Variants in ANO5 observed in about 807,000 individuals in gnomAD.
The protein encoded by ANO5 is anoctamin-5.
A neutral mutation model predicts 121.0 loss-of-function variants in ANO5; 109 were observed. That is an observed-to-expected ratio of 0.90 (90% CI 0.77 to 1.06). ANO5 has a LOEUF of 1.06. Ranked by LOEUF, ANO5 falls within the 50% of genes least tolerant of loss-of-function variation. The pLI is 0.00. For missense variants in ANO5, 1,064 were observed against 1,078.5 expected, an observed-to-expected ratio of 0.99 and a Z score of 0.19; for synonymous variants, 406 against 359.9, an observed-to-expected ratio of 1.13 and a Z score of -1.45.
chr11:22,253,979 T>A (rs571151884), intron 12 of ANO5, among the ~76,000 whole-genome samples: 1 of 152,278 alleles, frequency 6.6e-6, no homozygotes, highest in East Asian at 1.9e-4. Flanking sequence ...CTGTACAACA[T>A]TGTACTAATG....
chr11:22,246,469 T>C (rs1222485421), intron 9 of ANO5, among the ~76,000 whole-genome samples: 1 of 152,102 alleles, frequency 6.6e-6, no homozygotes, highest in Non-Finnish European at 1.5e-5. Flanking sequence ...AAGGCCTGTA[T>C]TGGGTTTGGG....
rs190937193 is a variant in ANO5 at position 22,259,674 on chromosome 11, G to T, written c.1563G>T (p.Leu521Phe). Residue 521 changes from leucine (L) to phenylalanine (F), a missense_variant, in exon 15 of 22, where the codon TTG (leucine) becomes TTT (phenylalanine). Coordinates refer to ENST00000324559, the MANE Select transcript of ANO5 (RefSeq NM_213599.3). ...CCACATCACTCACAGGATCATGCTT[G>T]AACTTTATTGTCATCTTGATCTTGA... ...QITTSLTGSC[L>F]NFIVILILNF... 6.2e-5 allele frequency: 100 copies of T among 1,614,042 alleles called. 1 individual carries two copies. The Admixed American group carries it at 1.4e-3, about 22-fold the overall frequency.
chr11:22,238,684 C>A (rs1853319658), intron 8 of ANO5, among the ~76,000 whole-genome samples: 1 of 151,738 alleles, frequency 6.6e-6, no homozygotes, highest in Admixed American at 6.6e-5. Context: ...AAATTTAACA[C>A]CTTATCATAT....
Position 22,274,608 on chromosome 11 carries a change from C to T in ANO5, c.2275C>T (p.Leu759=), listed in dbSNP as rs142231956. The part of the protein sequence containing the change: ...VAFTSDIIPR[L]VYYYAYSTNA... ...ATTTACGTCAGACATCATTCCCCGT[C>T]TAGTTTACTACTATGCTTACTCAAC... Residue 759 remains leucine (L), a synonymous_variant, in exon 20 of 22, where the codon CTA becomes TTA. Transcript: ENST00000324559. The T allele has an allele frequency of 1.5e-5, 24 of 1,608,574 alleles. No homozygotes were observed. The African/African-American group carries it at 2.9e-4, about 20-fold the overall frequency.
At chr11:22,262,062 C>G in intron 15 of ANO5, 67 bp from the exon 16 acceptor site, 1 of 1,490,786 alleles carries the variant, frequency 6.7e-7, no homozygotes, top group South Asian at 1.1e-5. Flanking sequence ...TTCACTTGTC[C>G]TAGGGAGTAC....
intron 12 of ANO5, among the ~76,000 whole-genome samples, chr11:22,254,596 A>G (rs1023837046): frequency 6.6e-5 from 10 of 152,180 alleles, no homozygotes; most frequent in African/African-American, 2.4e-4. Flanking sequence ...GAACCAAAAA[A>G]AAAAAAGCTT....
chr11:22,259,661 C>T lies in ANO5; in HGVS notation c.1550C>T (p.Thr517Ile), dbSNP rs766613400. The change falls in exon 15 of 22, where the codon ACA becomes ATA. Residue 517 changes from threonine (T) to isoleucine (I), a missense_variant. Physicochemically the swap from Thr to Ile is moderately conservative, Grantham distance 89. Transcript: ENST00000324559. ...ACTCCTCAGATAACCACATCACTCACAGGATCATGCTTGAACTTTATTGTC... is the reference window on the plus strand; with the variant it reads ...ACTCCTCAGATAACCACATCACTCATAGGATCATGCTTGAACTTTATTGTC... Reference protein sequence around the residue: ...FLTPQITTSLTGSCLNFIVIL... With the variant: ...FLTPQITTSLIGSCLNFIVIL... 1.2e-6 allele frequency: 2 copies of T among 1,614,066 alleles called. No homozygotes were observed. The highest frequency in any genetic ancestry group is 2.2e-5 in the South Asian group (2 of 91,080).
At chr11:22,206,913 C>CA (rs1034575260) in intron 2 of ANO5, among the ~76,000 whole-genome samples, 4 of 151,408 alleles carry the variant, frequency 2.6e-5, no homozygotes, top group African/African-American at 7.3e-5. Context: ...TGCAATAAGA[C>CA]AAAAAAATAA....
At chr11:22,265,014 T>G (rs759318917) in intron 17 of ANO5, among the ~76,000 whole-genome samples, 25 of 152,126 alleles carry the variant, frequency 1.6e-4, no homozygotes, top group Non-Finnish European at 3.4e-4. Flanking sequence ...CAGAAAAAGT[T>G]AATTGAGTCA....
At chr11:22,215,224 A>C (rs375024791) in intron 3 of ANO5, among the ~76,000 whole-genome samples, 33 of 152,120 alleles carry the variant, frequency 2.2e-4, no homozygotes, top group African/African-American at 7.2e-4. Flanking sequence ...GATCACCTCA[A>C]GGATGATATT....
chr11:22,260,837 T>C (rs1346146830), intron 15 of ANO5, among the ~76,000 whole-genome samples: 1 of 152,240 alleles, frequency 6.6e-6, no homozygotes, highest in African/African-American at 2.4e-5. Flanking sequence ...TTGTGCTTCA[T>C]GATCCTCTAT....
chr11:22,274,485 T>C, intron 19 of ANO5, 84 bp from the exon 20 acceptor site: 4 of 1,226,716 alleles, frequency 3.3e-6, no homozygotes, highest in Non-Finnish European at 4.5e-6. Flanking sequence ...ATATAATTTA[T>C]GGTACTGAGA....
intron 3 of ANO5, 107 bp from the exon 4 acceptor site, chr11:22,218,139 A>T (rs911008400): frequency 4.9e-6 from 6 of 1,221,562 alleles, no homozygotes; most frequent in African/African-American, 3.0e-5. Context: ...ACACACACAC[A>T]CTTATAAAAT....
chr11:22,259,823 G>C, intron 15 of ANO5, 82 bp downstream of exon 15: 2 of 1,362,148 alleles, frequency 1.5e-6, no homozygotes, highest in South Asian at 2.5e-5. Flanking sequence ...AGGTCTCCAG[G>C]AGTTCATTTT....
In ANO5 at chr11:22,193,559, G is replaced by A. The variant is rs754096052; in HGVS notation, c.40+27G>A. On this transcript the variant is annotated intron_variant, in intron 1 of 21. Coordinates refer to ENST00000324559, the MANE Select transcript of ANO5 (RefSeq NM_213599.3). ...TAGGACCGCGCCAAGAGGCGTCAAGGGAGAGCCAGGCTGGCTGCCTGCACC... is the reference window on the plus strand; with the variant it reads ...TAGGACCGCGCCAAGAGGCGTCAAGAGAGAGCCAGGCTGGCTGCCTGCACC... 4 of 1,609,394 alleles carry A rather than the reference G, an allele frequency of 2.5e-6. No homozygotes were observed. The East Asian group carries it at 6.7e-5, about 27-fold the overall frequency.
At chr11:22,207,115 G>A (rs1319336707) in intron 2 of ANO5, among the ~76,000 whole-genome samples, 34 of 151,906 alleles carry the variant, frequency 2.2e-4, no homozygotes, top group Non-Finnish European at 1.5e-4. Context: ...CTATATACTG[G>A]TAATGAGAAT....
intron 21 of ANO5, among the ~76,000 whole-genome samples, chr11:22,278,837 G>C (rs1854966730): frequency 6.6e-6 from 1 of 150,598 alleles, no homozygotes; most frequent in South Asian, 2.1e-4. Flanking sequence ...CAAGGCAGAG[G>C]GGCTATGTAT....
chr11:22,205,711 C>A (rs758761070), intron 2 of ANO5, among the ~76,000 whole-genome samples: 1 of 152,020 alleles, frequency 6.6e-6, no homozygotes, highest in Non-Finnish European at 1.5e-5. Context: ...AATTGACAAA[C>A]CTTTAGCCAG....
intron 9 of ANO5, among the ~76,000 whole-genome samples, chr11:22,247,232 GTGTT>G (rs1242886509): frequency 1.3e-5 from 2 of 152,116 alleles, no homozygotes; most frequent in South Asian, 2.1e-4. Context: ...AGAGCATTGT[GTGTT>G]TGTTTAGTTC....
Sources: gnomAD v4.1 joint callset for allele counts (sites outside exome capture counted in the v4.1 genomes callset) on GRCh38, gnomAD v4.1.1 for gene constraint, MANE v1.5 for transcripts, NCBI Gene and HGNC (gene_info 2026-07-23, HGNC 2026-07-21) for gene names.